The following ARF3 variants were observed in gnomAD, a reference collection of about 807,000 sequenced individuals.
ARF3 encodes ARF GTPase 3.
In ARF3, 5 loss-of-function variants were observed where a neutral mutation model predicts 19.3. The ratio of observed to expected loss-of-function variants is 0.26; its 90% confidence interval spans 0.14 to 0.54. The LOEUF (loss-of-function observed/expected upper bound fraction) is 0.54. Ranked by LOEUF, ARF3 falls within the 20% of genes least tolerant of loss-of-function variation. The probability of loss-of-function intolerance (pLI) is 0.95; values close to 1 mark genes in which losing one functional copy is unlikely to be tolerated. For synonymous variants in ARF3, 71 were observed against 89.2 expected (o/e 0.80, Z 1.15); for missense variants, 77 against 234.2 (o/e 0.33, Z 4.38).
chr12:48,956,232 A>G (rs1251324864), intron 1 of ARF3: 2 of 152,310 alleles, frequency 1.3e-5, no homozygotes, highest in African/African-American at 2.4e-5. Context: ...ACCCAATCCA[A>G]CAACAGCAGA....
At chr12:48,947,883 G>A (rs1185444179) in intron 1 of ARF3, among the ~76,000 whole-genome samples, 1 of 152,068 alleles carries the variant, frequency 6.6e-6, no homozygotes, top group East Asian at 1.9e-4. Flanking sequence ...CAATAAAGAG[G>A]GAGTTGGGCA....
intron 2 of ARF3, 101 bp downstream of exon 2, chr12:48,940,847 G>A: frequency 7.2e-7 from 1 of 1,397,018 alleles, no homozygotes; most frequent in Non-Finnish European, 9.5e-7. Context: ...AAATTGTATG[G>A]ACTTGCCTGG....
At chr12:48,952,270 C>T (rs1940485540) in intron 1 of ARF3, among the ~76,000 whole-genome samples, 1 of 152,192 alleles carries the variant, frequency 6.6e-6, no homozygotes, top group Non-Finnish European at 1.5e-5. Flanking sequence ...CCCAAAACGC[C>T]TGGGAAGGGT....
At position 48,936,000 on chromosome 12, in the gene ARF3, C is replaced by T. The variant is rs554660580; in HGVS notation, c.*2947G>A. 6 of 152,252 alleles carry T rather than the reference C, an allele frequency of 3.9e-5. No homozygotes were observed. The highest frequency in any genetic ancestry group is 8.8e-5 in the Non-Finnish European group (6 of 68,066). 9.4% of individuals were successfully genotyped at this position (152,252 alleles called of 1,614,324 possible). A position where few individuals can be genotyped will look rare whatever the true frequency, so the allele number is the denominator to read the frequency against. On this transcript the variant is annotated 3_prime_UTR_variant, in exon 5 of 5. Transcript: ENST00000256682. ...GATGCCCAATTCATTTGGGCTCCCC[C>T]GCCGCGGGGTATGATGGGAAGAAAT...
intron 1 of ARF3, 83 bp downstream of exon 1, chr12:48,957,227 C>A (rs1288351743): frequency 6.6e-6 from 1 of 152,304 alleles, no homozygotes; most frequent in African/African-American, 2.4e-5. Context: ...GGGCGGGGCC[C>A]GGGAGGCGCT....
intron 1 of ARF3, among the ~76,000 whole-genome samples, chr12:48,952,038 G>A (rs1382104766): frequency 6.6e-6 from 1 of 152,144 alleles, no homozygotes; most frequent in East Asian, 1.9e-4. Context: ...AAAGAAAAGA[G>A]GGAGGATCCA....
chr12:48,943,280 T>C (rs1940298335), intron 1 of ARF3, among the ~76,000 whole-genome samples: 1 of 152,188 alleles, frequency 6.6e-6, no homozygotes, highest in Non-Finnish European at 1.5e-5. Flanking sequence ...CTCTTCTCTA[T>C]GGCACAGGAT....
In ARF3 at chr12:48,938,668, T is replaced by TGACA; in HGVS notation, c.*278_*279insTGTC. 1 of 422,132 alleles carries TGACA rather than the reference T, an allele frequency of 2.4e-6. No homozygotes were observed. Among genetic ancestry groups the TGACA allele is most frequent in the Admixed American group, 3.5e-5 (1 of 28,966 alleles). 26.1% of individuals were successfully genotyped at this position (422,132 alleles called of 1,614,324 possible). ...ACTCGACCTCCCGAAACCCAGAGGGTGAGAGAGAGAGGGGCCACCCCATGA... is the reference window on the plus strand; with the variant it reads ...ACTCGACCTCCCGAAACCCAGAGGGTGACAGAGAGAGAGAGGGGCCACCCCATGA... On this transcript the variant is annotated 3_prime_UTR_variant, in exon 5 of 5. Coordinates refer to ENST00000256682, the MANE Select transcript of ARF3 (RefSeq NM_001659.3).
At chr12:48,948,638 C>T (rs1940404017) in intron 1 of ARF3, among the ~76,000 whole-genome samples, 1 of 152,010 alleles carries the variant, frequency 6.6e-6, no homozygotes, top group Admixed American at 6.6e-5. Flanking sequence ...TGGTAAAACC[C>T]CGTCTCTACT....
chr12:48,938,790 G>GAGGGGAGGC lies in ARF3; in HGVS notation c.*148_*156dup. ...GGTCATATAGGTGGACAGGAAAAAG[G>GAGGGGAGGC]AGGGGAGGCAGGGGAGGCAAGGCTC... On this transcript the variant is annotated 3_prime_UTR_variant, in exon 5 of 5. Coordinates refer to ENST00000256682, the MANE Select transcript of ARF3 (RefSeq NM_001659.3). The GAGGGGAGGC allele has an allele frequency of 1.2e-6, 1 of 858,098 alleles. No homozygotes were observed. The highest frequency in any genetic ancestry group is 1.8e-6 in the Non-Finnish European group (1 of 558,354). The allele number at this position is 858,098 out of a possible 1,614,324, so 53.2% of individuals were successfully genotyped here.
In ARF3 at chr12:48,935,775, A is replaced by AG. The variant is rs149739386; in HGVS notation, c.*3171dup. ...GCCAAAGTCCAGAACTAGACTAGTG[A>AG]GGGGGTCTCTGTTCAAACTAGAAGC... On this transcript the variant is annotated 3_prime_UTR_variant, in exon 5 of 5. Coordinates refer to ENST00000256682, the MANE Select transcript of ARF3 (RefSeq NM_001659.3). The AG allele has an allele frequency of 0.043, 6,495 of 152,254 alleles. 205 individuals are homozygous for AG. Among genetic ancestry groups the AG allele is most frequent in the Non-Finnish European group, 0.061 (4,172 of 68,012 alleles). The allele number at this position is 152,254 out of a possible 1,614,324, so 9.4% of individuals were successfully genotyped here.
rs553572145 is a variant in ARF3, at chr12:48,947,392, C to T, written c.-93-6204G>A. The stretch of plus-strand genomic sequence containing the variant: ...CGCAATCTCGGCTCACTGCAACCTC[C>T]GCCTCCCAAGTTCAAGCGATTCTCC... On this transcript the variant is annotated intron_variant, in intron 1 of 4. Transcript: ENST00000256682. Among the ~76,000 whole-genome samples the T allele has an allele frequency of 7.9e-5, 12 of 152,034 alleles. No individual in the cohort carries two copies. In the East Asian group the frequency reaches 1.2e-3, roughly 15 times the overall value.
intron 1 of ARF3, among the ~76,000 whole-genome samples, chr12:48,954,912 G>C (rs1198447264): frequency 3.3e-5 from 5 of 152,186 alleles, no homozygotes; most frequent in East Asian, 1.9e-4. Context: ...CCAGCTACTT[G>C]AGAAGCTGAA....
At chr12:48,949,773 G>A (rs193078210) in intron 1 of ARF3, among the ~76,000 whole-genome samples, 58 of 151,538 alleles carry the variant, frequency 3.8e-4, no homozygotes, top group African/African-American at 1.3e-3. Context: ...TCGAACTCCT[G>A]ACCTCAAGCA....
At chr12:48,940,414 C>A (rs1419052293) in intron 2 of ARF3, among the ~76,000 whole-genome samples, 3 of 152,168 alleles carry the variant, frequency 2.0e-5, no homozygotes, top group African/African-American at 4.8e-5. Context: ...ATGACTCAGC[C>A]CTGCTCTGGT....
rs1194859232 is a variant in ARF3, at chr12:48,937,454, G to A, written c.*1493C>T. On this transcript the variant is annotated 3_prime_UTR_variant, in exon 5 of 5. Coordinates refer to ENST00000256682, the MANE Select transcript of ARF3 (RefSeq NM_001659.3). ...AACAAGTGCCCCCTGCAGACAGAGA[G>A]ACGCAGTAGCAACAGCTTCTGAACA... The A allele has an allele frequency of 6.6e-6, 1 of 152,586 alleles. No homozygotes were observed. The highest frequency in any genetic ancestry group is 1.5e-5 in the Non-Finnish European group (1 of 68,142). 9.5% of individuals were successfully genotyped at this position (152,586 alleles called of 1,614,324 possible).
At position 48,946,099 on chromosome 12, in the gene ARF3, G is replaced by C. The variant is rs534419877; in HGVS notation, c.-93-4911C>G. ...ATTACAGGCACGACCCACCACGTCTGGCCATGACTTTTCTTTAAGTATAAT... is the reference window on the plus strand; with the variant it reads ...ATTACAGGCACGACCCACCACGTCTCGCCATGACTTTTCTTTAAGTATAAT... On this transcript the variant is annotated intron_variant, in intron 1 of 4. Coordinates refer to ENST00000256682, the MANE Select transcript of ARF3 (RefSeq NM_001659.3). Among the ~76,000 whole-genome samples, 3 of 152,294 alleles carry C rather than the reference G, an allele frequency of 2.0e-5. No individual in the cohort carries two copies. The East Asian group carries it at 5.8e-4, about 29-fold the overall frequency.
intron 1 of ARF3, among the ~76,000 whole-genome samples, chr12:48,942,867 G>A (rs959352233): frequency 1.3e-5 from 2 of 152,334 alleles, no homozygotes; most frequent in African/African-American, 4.8e-5. Context: ...AGCACTTTGG[G>A]AGGCCCAGGC....
rs1243891985 is a variant in ARF3 at position 48,935,794 on chromosome 12, T to C, written c.*3153A>G. ...CTAGTGAGGGGGTCTCTGTTCAAAC[T>C]AGAAGCACCTCATGTGCAAGGCTGA... On this transcript the variant is annotated 3_prime_UTR_variant, in exon 5 of 5. Transcript: ENST00000256682. 1.3e-5 allele frequency: 2 copies of C among 152,206 alleles called. No homozygotes were observed. The highest frequency in any genetic ancestry group is 1.5e-5 in the Non-Finnish European group (1 of 68,030). 9.4% of individuals were successfully genotyped at this position (152,206 alleles called of 1,614,324 possible).
Sources: gnomAD v4.1 joint callset for allele counts (sites outside exome capture counted in the v4.1 genomes callset) on GRCh38, gnomAD v4.1.1 for gene constraint, MANE v1.5 for transcripts, NCBI Gene and HGNC (gene_info 2026-07-23, HGNC 2026-07-21) for gene names.